Variants in MACROD2 observed in about 807,000 individuals in gnomAD.
The protein encoded by MACROD2 is mono-ADP ribosylhydrolase 2.
Under a neutral mutation model 70.4 loss-of-function variants are expected in MACROD2, and 36 were observed. The observed-to-expected ratio is 0.51, with a 90% CI of 0.39 to 0.68. The LOEUF is 0.68. MACROD2 is among the 30% of genes least tolerant of loss of function. MACROD2 has a pLI of 0.00. For missense variants in MACROD2, 496 were observed against 538.4 expected, an observed-to-expected ratio of 0.92 and a Z score of 0.78; for synonymous variants, 172 against 178.8, an observed-to-expected ratio of 0.96 and a Z score of 0.30.
chr20:15,267,742 C>G (rs904883837), intron 6 of MACROD2, among the ~76,000 whole-genome samples: 1 of 152,092 alleles, frequency 6.6e-6, no homozygotes, highest in Non-Finnish European at 1.5e-5. Flanking sequence ...CAGAGAACTT[C>G]CGACTGACCT....
chr20:15,485,355 A>T lies in MACROD2; in HGVS notation c.572-14419A>T, dbSNP rs372622241. 2.0e-5 allele frequency among the ~76,000 whole-genome samples: 3 copies of T among 152,276 alleles called. No individual in the cohort carries two copies. In the South Asian group the frequency reaches 6.2e-4, roughly 32 times the overall value. On this transcript the variant is annotated intron_variant, in intron 7 of 17. Transcript: ENST00000684519. Reference sequence around the variant, plus strand: ...AGAGGTCCATCAAAGTAAATCTCTAACATTTGTGTTTAAATGGATAGTTAT... The same window carrying T: ...AGAGGTCCATCAAAGTAAATCTCTATCATTTGTGTTTAAATGGATAGTTAT...
intron 8 of MACROD2, among the ~76,000 whole-genome samples, chr20:15,833,135 A>G (rs1388597974): frequency 1.3e-5 from 2 of 152,218 alleles, no homozygotes; most frequent in African/African-American, 4.8e-5. Flanking sequence ...GAAGAAAGTG[A>G]GGTACATTTA....
In MACROD2 at chr20:14,966,954, A is replaced by G. The variant is rs143695431; in HGVS notation, c.419-262986A>G. Among the ~76,000 whole-genome samples the G allele has an allele frequency of 5.0e-3, 764 of 151,824 alleles. 11 individuals carry two copies. Among genetic ancestry groups the G allele is most frequent in the African/African-American group, 0.018 (731 of 41,140 alleles). On this transcript the variant is annotated intron_variant, in intron 5 of 17. Transcript: ENST00000684519. ...GAGCAATTACATTCACATTTCTCTG[A>G]AATATATACAGGAATTGAATTGTTT...
intron 4 of MACROD2, among the ~76,000 whole-genome samples, chr20:14,517,184 C>CCCAT (rs2085110867): frequency 1.3e-5 from 2 of 152,188 alleles, no homozygotes; most frequent in African/African-American, 4.8e-5. Flanking sequence ...AATCCCATTA[C>CCCAT]TGGGTATATA....
In MACROD2 at chr20:14,529,963, C is replaced by T. The variant is rs185017985; in HGVS notation, c.301+36455C>T. Among the ~76,000 whole-genome samples, 105 of 152,120 alleles carry T rather than the reference C, an allele frequency of 6.9e-4. 1 individual carries two copies. Among genetic ancestry groups the T allele is most frequent in the Admixed American group, 2.7e-3 (42 of 15,290 alleles). The stretch of plus-strand genomic sequence containing the variant: ...AGAACCTAAAACAATGATTTGAGTG[C>T]GACTAGTTTATTTGGAAGGTAGAGG... On this transcript the variant is annotated intron_variant, in intron 4 of 17. Transcript: ENST00000684519.
chr20:15,304,902 C>T (rs561561329), intron 6 of MACROD2, among the ~76,000 whole-genome samples: 3 of 152,346 alleles, frequency 2.0e-5, no homozygotes, highest in Non-Finnish European at 2.9e-5. Context: ...GGAGGCACCC[C>T]TCTCCACAGA....
intron 3 of MACROD2, among the ~76,000 whole-genome samples, chr20:14,105,044 A>G (rs935195140): frequency 6.6e-6 from 1 of 152,202 alleles, no homozygotes; most frequent in African/African-American, 2.4e-5. Context: ...CTTATTTGGA[A>G]TATTCCATGC....
intron 5 of MACROD2, among the ~76,000 whole-genome samples, chr20:15,017,577 T>A (rs2075131582): frequency 6.6e-6 from 1 of 152,174 alleles, no homozygotes; most frequent in Admixed American, 6.5e-5. Flanking sequence ...GTGTTGGGGC[T>A]CCAACCCCAC....
At chr20:15,510,651 A>G (rs2047486553) in intron 8 of MACROD2, among the ~76,000 whole-genome samples, 1 of 152,174 alleles carries the variant, frequency 6.6e-6, no homozygotes, top group Non-Finnish European at 1.5e-5. Context: ...TGATGATGCC[A>G]CTGCTACTCA....
chr20:15,512,609 A>G (rs977290352), intron 8 of MACROD2, among the ~76,000 whole-genome samples: 1 of 152,148 alleles, frequency 6.6e-6, no homozygotes, highest in Non-Finnish European at 1.5e-5. Flanking sequence ...CTCCCTGGAC[A>G]TGAAGGTGCC....
At chr20:15,024,702 C>G (rs1273067549) in intron 5 of MACROD2, among the ~76,000 whole-genome samples, 2 of 152,044 alleles carry the variant, frequency 1.3e-5, no homozygotes, top group African/African-American at 4.8e-5. Flanking sequence ...TAATTCTATA[C>G]CTATCCTGTG....
intron 7 of MACROD2, among the ~76,000 whole-genome samples, chr20:15,441,619 AAG>A (rs1335587927): frequency 6.6e-6 from 1 of 152,132 alleles, no homozygotes; most frequent in Non-Finnish European, 1.5e-5. Flanking sequence ...ATAATTAAAA[AAG>A]AAAACAAAAA....
At chr20:14,126,898 G>T (rs1238104856) in intron 3 of MACROD2, among the ~76,000 whole-genome samples, 1 of 152,148 alleles carries the variant, frequency 6.6e-6, no homozygotes, top group Non-Finnish European at 1.5e-5. Context: ...CCTCAGGGCT[G>T]CTTATTCTTT....
Position 14,275,611 on chromosome 20 carries a change from A to G in MACROD2, c.271+189883A>G, listed in dbSNP as rs1187160849. Reference sequence around the variant, plus strand: ...CTAAAACACCAAAAGCAATGGCAACAAAAGCCAAAATTGACAAATGGGATC... The same window carrying G: ...CTAAAACACCAAAAGCAATGGCAACGAAAGCCAAAATTGACAAATGGGATC... On this transcript the variant is annotated intron_variant, in intron 3 of 17. Coordinates refer to ENST00000684519, the MANE Select transcript of MACROD2 (RefSeq NM_001351661.2). 5.9e-5 allele frequency among the ~76,000 whole-genome samples: 9 copies of G among 151,842 alleles called. 1 individual carries two copies. The highest frequency in any genetic ancestry group is 2.6e-4 in the Admixed American group (4 of 15,244).
chr20:15,177,824 A>G (rs1321542488), intron 5 of MACROD2, among the ~76,000 whole-genome samples: 1 of 152,188 alleles, frequency 6.6e-6, no homozygotes, highest in East Asian at 1.9e-4. Context: ...ATTTCCATTG[A>G]ATGAATTGGT....
chr20:15,724,531 C>T (rs1010247900), intron 8 of MACROD2, among the ~76,000 whole-genome samples: 1 of 151,974 alleles, frequency 6.6e-6, no homozygotes, highest in Non-Finnish European at 1.5e-5. Context: ...GAACCATTTG[C>T]TTAAAAGACT....
chr20:14,520,232 G>A (rs1396985694), intron 4 of MACROD2, among the ~76,000 whole-genome samples: 1 of 152,064 alleles, frequency 6.6e-6, no homozygotes, highest in Non-Finnish European at 1.5e-5. Context: ...TTTTTTAAGT[G>A]CACAAACTAG....
At chr20:15,710,617 C>CT (rs1489284507) in intron 8 of MACROD2, among the ~76,000 whole-genome samples, 2 of 152,120 alleles carry the variant, frequency 1.3e-5, no homozygotes, top group African/African-American at 2.4e-5. Flanking sequence ...GTGAAAAAGG[C>CT]TTTCCATTAA....
chr20:15,237,957 T>G (rs2077028682), intron 6 of MACROD2, among the ~76,000 whole-genome samples: 1 of 152,184 alleles, frequency 6.6e-6, no homozygotes, highest in East Asian at 1.9e-4. Flanking sequence ...GATGGGCATG[T>G]GCTAGAATGA....
Sources: gnomAD v4.1 joint callset for allele counts (sites outside exome capture counted in the v4.1 genomes callset) on GRCh38, gnomAD v4.1.1 for gene constraint, MANE v1.5 for transcripts, NCBI Gene and HGNC (gene_info 2026-07-23, HGNC 2026-07-21) for gene names.